SLC9C2: variants seen among roughly 807,000 people sequenced by gnomAD.
The protein encoded by SLC9C2 is solute carrier family 9 member C2 (putative).
In SLC9C2, 75 loss-of-function variants were observed where a neutral mutation model predicts 140.2. The observed-to-expected ratio is 0.53, with a 90% CI of 0.44 to 0.65. SLC9C2 has a LOEUF of 0.65. Ranked by LOEUF, SLC9C2 falls within the 30% of genes least tolerant of loss-of-function variation. The pLI, the probability that SLC9C2 is intolerant of heterozygous loss-of-function variation, is 0.00. For missense variants in SLC9C2, 1,074 were observed against 1,331.8 expected (o/e 0.81, Z 3.01); for synonymous variants, 375 against 420.9 (o/e 0.89, Z 1.34).
At chr1:173,546,982 A>T (rs1662895326) in intron 13 of SLC9C2, among the ~76,000 whole-genome samples, 1 of 152,140 alleles carries the variant, frequency 6.6e-6, no homozygotes, top group South Asian at 2.1e-4. Flanking sequence ...ATGGTTTTTA[A>T]GGTTGGGTGA....
At chr1:173,527,621 AC>A (rs1262889870) in intron 18 of SLC9C2, among the ~76,000 whole-genome samples, 2 of 152,124 alleles carry the variant, frequency 1.3e-5, no homozygotes, top group Admixed American at 1.3e-4. Flanking sequence ...CTTAAAGCTT[AC>A]CCTCCAGCTT....
At chr1:173,592,856 C>A (rs558356689) in intron 4 of SLC9C2, among the ~76,000 whole-genome samples, 1 of 152,124 alleles carries the variant, frequency 6.6e-6, no homozygotes, top group Non-Finnish European at 1.5e-5. Context: ...ACAAAGGAAA[C>A]GCCATCAGGC....
In SLC9C2 at chr1:173,524,809, A is replaced by C; in HGVS notation, c.2484T>G (p.Ile828Met). 6.2e-7 allele frequency: 1 copy of C among 1,614,050 alleles called. No homozygotes were observed. Among genetic ancestry groups the C allele is most frequent in the Non-Finnish European group, 8.5e-7 (1 of 1,179,946 alleles). Residue 828 changes from isoleucine to methionine, a missense_variant, in exon 20 of 28, where the codon ATT becomes ATG. Ile to Met is a conservative substitution (Grantham distance 10). Coordinates refer to ENST00000367714, the MANE Select transcript of SLC9C2 (RefSeq NM_178527.4). ...TTATCTCAATGACTTCATGCTTATC[A>C]ATAATGCCTCTTGAACAAAGGAAGG... ...NLTFLCSRGI[I>M]DKHEVIEINK... is the part of the protein sequence containing the mutation.
intron 27 of SLC9C2, among the ~76,000 whole-genome samples, chr1:173,502,129 C>T (rs368079224): frequency 2.6e-5 from 4 of 151,814 alleles, no homozygotes; most frequent in South Asian, 4.2e-4. Flanking sequence ...AAAAAGTAGC[C>T]AGGCATGGTG....
At chr1:173,591,884 T>G (rs1338063866) in intron 4 of SLC9C2, among the ~76,000 whole-genome samples, 2 of 152,138 alleles carry the variant, frequency 1.3e-5, no homozygotes, top group Non-Finnish European at 2.9e-5. Context: ...ATCCTATTTG[T>G]TAATTTTTGC....
At chr1:173,547,363 TA>T (rs1662923007) in intron 13 of SLC9C2, among the ~76,000 whole-genome samples, 2 of 151,334 alleles carry the variant, frequency 1.3e-5, no homozygotes, top group South Asian at 4.2e-4. Context: ...TCAGATATGT[TA>T]AATTTATAAA....
intron 22 of SLC9C2, among the ~76,000 whole-genome samples, chr1:173,520,105 G>A (rs1461626241): frequency 2.6e-5 from 4 of 152,146 alleles, no homozygotes; most frequent in Non-Finnish European, 4.4e-5. Context: ...CTGAGATGGT[G>A]TCACTGCACT....
Position 173,526,864 on chromosome 1 carries a change from G to A in SLC9C2, c.2314-150C>T. The A allele has an allele frequency of 4.6e-6, 3 of 653,270 alleles. No individual in the cohort carries two copies. In the South Asian group the frequency reaches 6.6e-5, roughly 14 times the overall value. 40.5% of individuals were successfully genotyped at this position (653,270 alleles called of 1,614,324 possible). Reference sequence around the variant, plus strand: ...GGCTTTCCTTTTATTTTTATTTTTTGAGACAGAGTCTTGCTCTGTTGCCGA... The same window carrying A: ...GGCTTTCCTTTTATTTTTATTTTTTAAGACAGAGTCTTGCTCTGTTGCCGA... On this transcript the variant is annotated intron_variant, in intron 18 of 27. Transcript: ENST00000367714.
intron 8 of SLC9C2, among the ~76,000 whole-genome samples, chr1:173,574,674 C>T (rs1266594936): frequency 1.3e-5 from 2 of 151,758 alleles, no homozygotes; most frequent in Non-Finnish European, 2.9e-5. Flanking sequence ...CCACGCCCGG[C>T]TAATTTTTTG....
At chr1:173,536,157 T>A (rs1452452195) in intron 14 of SLC9C2, among the ~76,000 whole-genome samples, 1 of 151,946 alleles carries the variant, frequency 6.6e-6, no homozygotes, top group Non-Finnish European at 1.5e-5. Flanking sequence ...CCTCTGTTCC[T>A]GACCAGAGGT....
chr1:173,576,305 C>A (rs374699174), intron 8 of SLC9C2, among the ~76,000 whole-genome samples: 2 of 152,286 alleles, frequency 1.3e-5, no homozygotes, highest in South Asian at 4.1e-4. Flanking sequence ...CTTTCTGCTA[C>A]TCGTCTTTTC....
rs377338367 is a variant in SLC9C2 at position 173,564,134 on chromosome 1, T to C, written c.1047-6626A>G. ...TGGACACTTAGGTCGCTTCCAAATC[T>C]TGGTTATTGTGAATAGTGCTGCAAT... On this transcript the variant is annotated intron_variant, in intron 9 of 27. Coordinates refer to ENST00000367714, the MANE Select transcript of SLC9C2 (RefSeq NM_178527.4). Among the ~76,000 whole-genome samples, 11 of 152,346 alleles carry C rather than the reference T, an allele frequency of 7.2e-5. No homozygotes were observed. The East Asian group carries it at 1.5e-3, about 21-fold the overall frequency.
intron 13 of SLC9C2, among the ~76,000 whole-genome samples, chr1:173,540,624 G>C (rs1049463047): frequency 2.0e-5 from 3 of 152,172 alleles, no homozygotes; most frequent in African/African-American, 7.2e-5. Context: ...GCTGTCACCT[G>C]AGGCAACTCG....
rs137986893 is a variant in SLC9C2 at position 173,502,490 on chromosome 1, C to T, written c.3371+776G>A. 3.9e-5 allele frequency among the ~76,000 whole-genome samples: 6 copies of T among 152,208 alleles called. No homozygotes were observed. In the East Asian group the frequency reaches 1.2e-3, roughly 29 times the overall value. On this transcript the variant is annotated intron_variant, in intron 27 of 27. Coordinates refer to ENST00000367714, the MANE Select transcript of SLC9C2 (RefSeq NM_178527.4). ...CCCAAACAGGAGCCCTAATAGAGAC[C>T]TCTACAGTCATGAGCCCTGCAGGCT...
chr1:173,597,330 A>T (rs1666505840), intron 4 of SLC9C2, among the ~76,000 whole-genome samples: 1 of 152,092 alleles, frequency 6.6e-6, no homozygotes, highest in Non-Finnish European at 1.5e-5. Context: ...TAAAAACCAA[A>T]ACATGTGGGA....
chr1:173,558,180 T>C (rs939188097), intron 9 of SLC9C2, among the ~76,000 whole-genome samples: 2 of 152,096 alleles, frequency 1.3e-5, no homozygotes, highest in Non-Finnish European at 2.9e-5. Flanking sequence ...CAAAAAAAAA[T>C]ATTGTGTGTC....
intron 19 of SLC9C2, among the ~76,000 whole-genome samples, chr1:173,525,540 A>G (rs1661135639): frequency 6.6e-6 from 1 of 152,244 alleles, no homozygotes; most frequent in South Asian, 2.1e-4. Context: ...TTTAGTGTCA[A>G]ATACACCTGG....
At chr1:173,585,689 G>A (rs182642673) in intron 5 of SLC9C2, among the ~76,000 whole-genome samples, 7 of 152,234 alleles carry the variant, frequency 4.6e-5, no homozygotes, top group Admixed American at 1.3e-4. Flanking sequence ...ACTTTCAGCC[G>A]GGTGCAGTGG....
At chr1:173,506,766 A>C in intron 25 of SLC9C2, 90 bp downstream of exon 25, 1 of 1,084,766 alleles carries the variant, frequency 9.2e-7, no homozygotes, top group Non-Finnish European at 1.3e-6. Flanking sequence ...TTCCAGGTTA[A>C]ATTTCTTTTT....
Sources: gnomAD v4.1 joint callset for allele counts (sites outside exome capture counted in the v4.1 genomes callset) on GRCh38, gnomAD v4.1.1 for gene constraint, MANE v1.5 for transcripts, NCBI Gene and HGNC (gene_info 2026-07-23, HGNC 2026-07-21) for gene names.